Variants in MGAT4C observed in about 807,000 individuals in gnomAD.
The protein encoded by MGAT4C is MGAT4 family member C.
Under a neutral mutation model 40.1 loss-of-function variants are expected in MGAT4C, and 19 were observed. That is an observed-to-expected ratio of 0.47 (90% CI 0.33 to 0.70). The LOEUF is 0.70. MGAT4C is among the 30% of genes least tolerant of loss of function. The pLI is 0.02. For synonymous variants in MGAT4C, 181 were observed against 187.1 expected (o/e 0.97, Z 0.27); for missense variants, 491 against 563.2 (o/e 0.87, Z 1.30).
At chr12:86,717,866 C>T (rs895774064) in intron 2 of MGAT4C, among the ~76,000 whole-genome samples, 1 of 152,134 alleles carries the variant, frequency 6.6e-6, no homozygotes, top group African/African-American at 2.4e-5. Context: ...TTCTACTTCA[C>T]AGTTTATTAT....
chr12:86,673,867 T>C (rs1964325668), intron 2 of MGAT4C, among the ~76,000 whole-genome samples: 1 of 152,048 alleles, frequency 6.6e-6, no homozygotes, highest in Non-Finnish European at 1.5e-5. Context: ...TATATGAACA[T>C]TTTTTATGAA....
intron 1 of MGAT4C, among the ~76,000 whole-genome samples, chr12:86,827,607 T>C (rs1952832739): frequency 6.6e-6 from 1 of 151,304 alleles, no homozygotes; most frequent in Non-Finnish European, 1.5e-5. Context: ...AAATGTATAC[T>C]TAAGAGTTCA....
At chr12:86,650,974 T>C (rs1172690829) in intron 2 of MGAT4C, among the ~76,000 whole-genome samples, 1 of 151,914 alleles carries the variant, frequency 6.6e-6, no homozygotes, top group African/African-American at 2.4e-5. Context: ...ATCATTACTT[T>C]AGCCTGTCTT....
At chr12:86,364,712 G>C (rs1035729057) in intron 3 of MGAT4C, among the ~76,000 whole-genome samples, 1 of 151,776 alleles carries the variant, frequency 6.6e-6, no homozygotes, top group Non-Finnish European at 1.5e-5. Context: ...GTGTCTGGGG[G>C]TGACATCACA....
chr12:86,591,371 T>A (rs1593020908), intron 2 of MGAT4C, among the ~76,000 whole-genome samples: 1 of 152,098 alleles, frequency 6.6e-6, no homozygotes, highest in East Asian at 1.9e-4. Context: ...TTATTCACTT[T>A]TAAAATTTAT....
At chr12:86,795,699 C>CA (rs1483339587) in intron 1 of MGAT4C, among the ~76,000 whole-genome samples, 2 of 151,754 alleles carry the variant, frequency 1.3e-5, no homozygotes, top group Non-Finnish European at 2.9e-5. Context: ...TGATTATTTT[C>CA]AATTATTGCT....
chr12:86,097,557 T>C (rs1010718834), intron 1 of MGAT4C, among the ~76,000 whole-genome samples: 2 of 151,642 alleles, frequency 1.3e-5, no homozygotes, highest in African/African-American at 4.8e-5. Flanking sequence ...AAGATTTCCA[T>C]AGAAATATAC....
At chr12:86,167,611 G>C (rs1201457563) in intron 1 of MGAT4C, among the ~76,000 whole-genome samples, 1 of 152,112 alleles carries the variant, frequency 6.6e-6, no homozygotes, top group Non-Finnish European at 1.5e-5. Context: ...AAGGTTTAAA[G>C]TAAAGAGAGC....
At chr12:86,639,122 ACT>A (rs1251532166) in intron 2 of MGAT4C, among the ~76,000 whole-genome samples, 1 of 151,580 alleles carries the variant, frequency 6.6e-6, no homozygotes, top group East Asian at 1.9e-4. Flanking sequence ...CTTTTGGGAC[ACT>A]CTGCTCTCTG....
chr12:86,099,795 T>G (rs541148394), intron 1 of MGAT4C, among the ~76,000 whole-genome samples: 1 of 151,588 alleles, frequency 6.6e-6, no homozygotes, highest in East Asian at 1.9e-4. Context: ...ATATGTTGCA[T>G]TTTTTGTGGC....
chr12:86,353,923 G>A (rs758519670), intron 3 of MGAT4C, among the ~76,000 whole-genome samples: 1 of 152,088 alleles, frequency 6.6e-6, no homozygotes, highest in Non-Finnish European at 1.5e-5. Context: ...AAGGCCTCCG[G>A]TATTTAGAGA....
chr12:86,551,077 C>T (rs141581431), intron 2 of MGAT4C, among the ~76,000 whole-genome samples: 260 of 152,272 alleles, frequency 1.7e-3, no homozygotes, highest in African/African-American at 5.9e-3. Context: ...TAAGGGAACA[C>T]ACCCAGGGCT....
intron 2 of MGAT4C, among the ~76,000 whole-genome samples, chr12:86,612,029 C>G (rs1962299324): frequency 6.6e-6 from 1 of 152,136 alleles, no homozygotes; most frequent in African/African-American, 2.4e-5. Flanking sequence ...TGGAGGATCT[C>G]TAAGTTTAAT....
intron 2 of MGAT4C, among the ~76,000 whole-genome samples, chr12:86,436,659 T>C (rs1352246655): frequency 6.6e-6 from 1 of 151,736 alleles, no homozygotes; most frequent in Non-Finnish European, 1.5e-5. Flanking sequence ...GAACTTCTGA[T>C]GTTCAGCTAC....
Position 86,538,753 on chromosome 12 carries a change from G to A in MGAT4C, c.-228-103488C>T, listed in dbSNP as rs374679594. ...CTCCGGAGTAGCTGGGACTACAGGCGCCCGCCACCACGCCTGGCTAATTTT... is the reference window on the plus strand; with the variant it reads ...CTCCGGAGTAGCTGGGACTACAGGCACCCGCCACCACGCCTGGCTAATTTT... On this transcript the variant is annotated intron_variant, in intron 2 of 7. Coordinates refer to the MGAT4C transcript ENST00000548651. 8.6e-3 allele frequency among the ~76,000 whole-genome samples: 1,300 copies of A among 151,586 alleles called. 7 individuals are homozygous for A. Among genetic ancestry groups the A allele is most frequent in the Middle Eastern group, 0.017 (5 of 294 alleles).
intron 2 of MGAT4C, among the ~76,000 whole-genome samples, chr12:86,709,814 TTTC>T (rs536559365): frequency 1.7e-3 from 262 of 152,270 alleles, no homozygotes; most frequent in African/African-American, 6.2e-3. Context: ...AAGAGATAGT[TTTC>T]TTGTTTTTTA....
At chr12:86,520,032 T>A (rs1023888937) in intron 2 of MGAT4C, among the ~76,000 whole-genome samples, 1 of 152,164 alleles carries the variant, frequency 6.6e-6, no homozygotes, top group Non-Finnish European at 1.5e-5. Context: ...TCATTTTTGA[T>A]CTTATGTTTA....
At chr12:86,799,158 C>T (rs1427467444) in intron 1 of MGAT4C, among the ~76,000 whole-genome samples, 3 of 151,788 alleles carry the variant, frequency 2.0e-5, no homozygotes, top group Non-Finnish European at 4.4e-5. Context: ...TTCCTCCCAA[C>T]ATTTTCTTAC....
chr12:86,198,987 C>T (rs957260760), intron 1 of MGAT4C, among the ~76,000 whole-genome samples: 7 of 152,216 alleles, frequency 4.6e-5, no homozygotes, highest in African/African-American at 1.7e-4. Context: ...CAAATGCCAT[C>T]TATGTGAAAA....
Sources: gnomAD v4.1 joint callset for allele counts (sites outside exome capture counted in the v4.1 genomes callset) on GRCh38, gnomAD v4.1.1 for gene constraint, MANE v1.5 for transcripts, NCBI Gene and HGNC (gene_info 2026-07-23, HGNC 2026-07-21) for gene names.